DAPP1: variants seen among roughly 807,000 people sequenced by gnomAD.
DAPP1 encodes the protein dual adapter for phosphotyrosine and 3-phosphotyrosine and 3-phosphoinositide.
In DAPP1, 20 loss-of-function variants were observed where a neutral mutation model predicts 41.5. The observed-to-expected ratio is 0.48, with a 90% CI of 0.34 to 0.70. DAPP1 has a LOEUF of 0.70. DAPP1 is among the 30% of genes least tolerant of loss of function. The pLI is 0.01. For synonymous variants in DAPP1, 113 were observed against 116.2 expected (o/e 0.97, Z 0.18); for missense variants, 233 against 333.4 (o/e 0.70, Z 2.35).
intron 1 of DAPP1, among the ~76,000 whole-genome samples, chr4:99,834,541 C>A (rs536997711): frequency 1.3e-5 from 2 of 152,276 alleles, no homozygotes; most frequent in African/African-American, 4.8e-5. Flanking sequence ...TCCTTCCATC[C>A]AGCTTCGTTT....
chr4:99,848,242 T>G (rs1302509761), intron 3 of DAPP1, among the ~76,000 whole-genome samples: 1 of 150,330 alleles, frequency 6.7e-6, no homozygotes, highest in Non-Finnish European at 1.5e-5. Flanking sequence ...TTTTTTTTTT[T>G]TTTGTGATGG....
chr4:99,827,361 C>A (rs1474360569), intron 1 of DAPP1, among the ~76,000 whole-genome samples: 1 of 151,920 alleles, frequency 6.6e-6, no homozygotes, highest in East Asian at 1.9e-4. Context: ...GGTGAAACCC[C>A]GTCTCTACTA....
intron 3 of DAPP1, among the ~76,000 whole-genome samples, chr4:99,843,903 C>A (rs1723577819): frequency 6.6e-6 from 1 of 152,152 alleles, no homozygotes; most frequent in Admixed American, 6.5e-5. Flanking sequence ...GCCTGCATTG[C>A]AGTTTTTTGC....
At chr4:99,829,565 G>C (rs17029560) in intron 1 of DAPP1, among the ~76,000 whole-genome samples, 11,481 of 152,166 alleles carry the variant, frequency 0.075, 500 homozygotes, top group Middle Eastern at 0.14. Flanking sequence ...CTTGCCAGGG[G>C]GTCACATAGT....
Position 99,816,924 on chromosome 4 carries a change from C to T in DAPP1, c.11C>T (p.Ala4Val), listed in dbSNP as rs1419135132. Residue 4 changes from alanine to valine, a missense_variant, in exon 1 of 9, where the codon GCA (alanine) becomes GTA (valine). Ala to Val is a moderately conservative substitution (Grantham distance 64). Coordinates refer to ENST00000512369, the MANE Select transcript of DAPP1 (RefSeq NM_014395.3). ...CTGTGAAGGGCGCGAATGGGCAGAG[C>T]AGAACTTCTAGAAGGGAAGATGAGC... MGRAELLEGKMSTQ... is the reference protein window; with the variant it reads MGRVELLEGKMSTQ... 1.2e-6 allele frequency: 2 copies of T among 1,607,316 alleles called. No homozygotes were observed. Among genetic ancestry groups the T allele is most frequent in the African/African-American group, 1.3e-5 (1 of 74,798 alleles).
intron 4 of DAPP1, among the ~76,000 whole-genome samples, chr4:99,859,655 T>G (rs1299046576): frequency 1.3e-5 from 2 of 152,168 alleles, no homozygotes; most frequent in Non-Finnish European, 2.9e-5. Flanking sequence ...CCATTGCTGT[T>G]TCTACTACTC....
intron 2 of DAPP1, among the ~76,000 whole-genome samples, chr4:99,837,286 A>AGTGT (rs1374689467): frequency 6.6e-6 from 1 of 152,096 alleles, no homozygotes; most frequent in East Asian, 1.9e-4. Context: ...ATTGGGATAA[A>AGTGT]GTGTGTGTAC....
At chr4:99,846,972 A>T (rs184850494) in intron 3 of DAPP1, among the ~76,000 whole-genome samples, 52 of 152,358 alleles carry the variant, frequency 3.4e-4, no homozygotes, top group South Asian at 8.3e-4. Flanking sequence ...TCTACTTCTC[A>T]TTGGAAGGAG....
At chr4:99,843,985 G>A (rs1418252414) in intron 3 of DAPP1, among the ~76,000 whole-genome samples, 1 of 152,210 alleles carries the variant, frequency 6.6e-6, no homozygotes, top group Admixed American at 6.5e-5. Flanking sequence ...AATTTGAAAT[G>A]ATATTTTGTG....
At chr4:99,858,307 A>G (rs1281682080) in intron 4 of DAPP1, among the ~76,000 whole-genome samples, 1 of 152,236 alleles carries the variant, frequency 6.6e-6, no homozygotes, top group Admixed American at 6.5e-5. Context: ...GAAATTAAAG[A>G]CCAGTTATTT....
At position 99,829,883 on chromosome 4, in the gene DAPP1, C is replaced by T. The variant is rs547302879; in HGVS notation, c.102-5740C>T. Among the ~76,000 whole-genome samples, 13 of 152,016 alleles carry T rather than the reference C, an allele frequency of 8.6e-5. No homozygotes were observed. The South Asian group carries it at 2.3e-3, about 27-fold the overall frequency. ...ATTCAACAGTTAATTAATACAAATA[C>T]GTTATTTTCTCTGTGTTGTGATGTT... On this transcript the variant is annotated intron_variant, in intron 1 of 8. Transcript: ENST00000512369.
chr4:99,851,747 G>T (rs1395642387), intron 3 of DAPP1, among the ~76,000 whole-genome samples: 4 of 151,744 alleles, frequency 2.6e-5, no homozygotes, highest in Admixed American at 1.3e-4. Flanking sequence ...TAGAGATGGG[G>T]TTTCACTATG....
At chr4:99,868,090 G>T (rs1724523787) in intron 8 of DAPP1, 27 bp from the exon 9 acceptor site, 4 of 1,588,762 alleles carry the variant, frequency 2.5e-6, no homozygotes, top group Non-Finnish European at 2.6e-6. Context: ...CTCAATAATG[G>T]ATACACGTGT....
chr4:99,862,680 T>C (rs1490525140), intron 5 of DAPP1, among the ~76,000 whole-genome samples: 1 of 152,204 alleles, frequency 6.6e-6, no homozygotes, highest in East Asian at 1.9e-4. Context: ...GATAGACTAA[T>C]TCTTTTTGTA....
chr4:99,842,443 A>G (rs543702939), intron 3 of DAPP1, among the ~76,000 whole-genome samples: 2 of 152,366 alleles, frequency 1.3e-5, no homozygotes, highest in African/African-American at 2.4e-5. Flanking sequence ...GCTGATGGAT[A>G]TGCACTTGAC....
intron 4 of DAPP1, among the ~76,000 whole-genome samples, chr4:99,858,318 T>C (rs1444420913): frequency 6.6e-6 from 1 of 152,250 alleles, no homozygotes; most frequent in East Asian, 1.9e-4. Flanking sequence ...CCAGTTATTT[T>C]GTAAATAGTT....
At chr4:99,838,435 G>T (rs187868148) in intron 2 of DAPP1, among the ~76,000 whole-genome samples, 3 of 152,228 alleles carry the variant, frequency 2.0e-5, no homozygotes, top group Non-Finnish European at 4.4e-5. Flanking sequence ...CAGCCACTTT[G>T]GTACGTGTTG....
intron 1 of DAPP1, among the ~76,000 whole-genome samples, chr4:99,831,405 TC>T (rs557791732): frequency 8.7e-4 from 133 of 152,310 alleles, no homozygotes; most frequent in East Asian, 6.5e-3. Context: ...GCACCCCGAC[TC>T]CCTGCCCTCA....
At chr4:99,871,051 A>C (rs1020332010), downstream of DAPP1, among the ~76,000 whole-genome samples, 2 of 152,206 alleles carry the variant, frequency 1.3e-5, no homozygotes, top group African/African-American at 2.4e-5. Flanking sequence ...TGGACATCAG[A>C]GAACTCGGTG....
Sources: allele counts gnomAD v4.1 joint callset (sites outside exome capture counted in the v4.1 genomes callset), GRCh38; gene constraint gnomAD v4.1.1; transcripts MANE v1.5; gene names NCBI Gene and HGNC (gene_info 2026-07-23, HGNC 2026-07-21).